The following HTR2C variants were observed in gnomAD, a reference collection of about 807,000 sequenced individuals.
HTR2C encodes 5-hydroxytryptamine receptor 2C.
HTR2C carries 5 observed loss-of-function variants against 21.0 expected under a neutral mutation model. That is an observed-to-expected ratio of 0.24 (90% CI 0.12 to 0.50). HTR2C has a LOEUF of 0.50. Among genes scored for constraint, HTR2C ranks in the 20% least tolerant of loss-of-function variants. HTR2C has a pLI of 0.98. For synonymous variants in HTR2C, 150 were observed against 145.3 expected (o/e 1.03, Z -0.23); for missense variants, 271 against 371.2 (o/e 0.73, Z 2.22).
At chrX:114,697,883 C>T (rs782270469) in intron 2 of HTR2C, among the ~76,000 whole-genome samples, 6 of 112,453 alleles carry the variant, frequency 5.3e-5, no homozygotes, top group Non-Finnish European at 1.1e-4. Flanking sequence ...AGTCCAGGGA[C>T]CTCATCTGGG....
intron 4 of HTR2C, among the ~76,000 whole-genome samples, chrX:114,811,413 T>C (rs1182455846): frequency 9.0e-6 from 1 of 111,195 alleles, no homozygotes; most frequent in African/African-American, 3.3e-5. Flanking sequence ...ATCTACATAC[T>C]CCAATGGCAA....
intron 4 of HTR2C, among the ~76,000 whole-genome samples, chrX:114,795,361 T>G (rs1342957655): frequency 6.3e-5 from 7 of 110,693 alleles, no homozygotes; most frequent in African/African-American, 2.0e-4. Context: ...AGAAGCTCTT[T>G]AGTTTAATTA....
rs782626623 is a variant in HTR2C, at chrX:114,906,845, G to C, written c.807G>C (p.Arg269Ser). 8.3e-7 allele frequency: 1 copy of C among 1,210,979 alleles called. No homozygotes were observed. The highest frequency in any genetic ancestry group is 1.1e-6 in the Non-Finnish European group (1 of 895,357). Reference sequence around the variant, plus strand: ...TGGATTTCCTGAAGTGCTGCAAGAGGAATACGGCCGAGGAAGAGAACTCTG... The same window carrying C: ...TGGATTTCCTGAAGTGCTGCAAGAGCAATACGGCCGAGGAAGAGAACTCTG... ...LSLDFLKCCKRNTAEEENSAN... is the reference protein window; with the variant it reads ...LSLDFLKCCKSNTAEEENSAN... The change falls in exon 6 of 6, where the codon AGG becomes AGC. Residue 269 changes from arginine to serine, a missense_variant. Physicochemically the swap from Arg to Ser is moderately radical, Grantham distance 110. Around this residue, in one of 5 missense-constraint regions of HTR2C, gnomAD observed 192 missense variants for 247.2 expected, o/e 0.78. Coordinates refer to ENST00000276198, the MANE Select transcript of HTR2C (RefSeq NM_000868.4).
chrX:114,824,903 G>A (rs143388819), intron 4 of HTR2C, among the ~76,000 whole-genome samples: 1,365 of 111,908 alleles, frequency 0.012, 20 homozygotes, highest in African/African-American at 0.042. Flanking sequence ...AAAGTTCCAT[G>A]CAAATGTATG....
At chrX:114,702,150 A>G (rs1329179290) in intron 2 of HTR2C, among the ~76,000 whole-genome samples, 1 of 111,710 alleles carries the variant, frequency 9.0e-6, no homozygotes, top group South Asian at 3.8e-4. Context: ...GATATTATCC[A>G]GGAGAACTTC....
intron 4 of HTR2C, among the ~76,000 whole-genome samples, chrX:114,800,202 T>C (rs2070332533): frequency 9.0e-6 from 1 of 111,142 alleles, no homozygotes; most frequent in Non-Finnish European, 1.9e-5. Context: ...AAAAGGTGGG[T>C]AGATGTTAAA....
chrX:114,678,802 G>T (rs1931654130), intron 2 of HTR2C, among the ~76,000 whole-genome samples: 1 of 111,085 alleles, frequency 9.0e-6, no homozygotes, highest in Non-Finnish European at 1.9e-5. Flanking sequence ...CTTTGAAACT[G>T]TTAGCCTTAA....
chrX:114,628,178 A>G (rs1929454429), intron 2 of HTR2C, among the ~76,000 whole-genome samples: 1 of 111,627 alleles, frequency 9.0e-6, no homozygotes, highest in East Asian at 2.8e-4. Flanking sequence ...GTATTTAAAT[A>G]GTATCTATTT....
In HTR2C at chrX:114,731,570, A is replaced by G. The variant is rs1483636771; in HGVS notation, c.312A>G (p.Leu104=). 1.7e-6 allele frequency: 2 copies of G among 1,202,684 alleles called. No individual in the cohort carries two copies. The highest frequency in any genetic ancestry group is 2.2e-6 in the Non-Finnish European group (2 of 889,684). The change falls in exon 4 of 6, where the codon CTA becomes CTG. Residue 104 remains leucine, a synonymous_variant. Transcript: ENST00000276198. ...CCATTGCTGATATGCTAGTGGGACT[A>G]CTTGTCATGCCCCTGTCTCTCCTGG... ...SLAIADMLVG[L]LVMPLSLLAI...
At chrX:114,873,533 C>G (rs1003007207) in intron 5 of HTR2C, among the ~76,000 whole-genome samples, 1 of 111,737 alleles carries the variant, frequency 8.9e-6, no homozygotes, top group Non-Finnish European at 1.9e-5. Context: ...CAGTACAACA[C>G]CTGAATACTG....
At chrX:114,685,624 A>G (rs782127645) in intron 2 of HTR2C, among the ~76,000 whole-genome samples, 1 of 112,159 alleles carries the variant, frequency 8.9e-6, no homozygotes, top group Admixed American at 9.5e-5. Flanking sequence ...TGGATTGCCT[A>G]AGTGTCAGAT....
chrX:114,757,958 A>G (rs782520926), intron 4 of HTR2C, among the ~76,000 whole-genome samples: 98 of 110,707 alleles, frequency 8.9e-4, no homozygotes, highest in Non-Finnish European at 5.1e-4. Context: ...AAAAAACATG[A>G]ACACACATAC....
chrX:114,772,204 G>T (rs374487439), intron 4 of HTR2C, among the ~76,000 whole-genome samples: 6 of 111,946 alleles, frequency 5.4e-5, no homozygotes, highest in Non-Finnish European at 9.4e-5. Flanking sequence ...ATTCACCAAG[G>T]TTGCCATTCT....
chrX:114,716,569 C>G (rs1306879410), intron 2 of HTR2C, among the ~76,000 whole-genome samples: 1 of 111,524 alleles, frequency 9.0e-6, no homozygotes, highest in Non-Finnish European at 1.9e-5. Context: ...CCTAGACTTG[C>G]ATTCAAATTG....
At chrX:114,850,184 G>A (rs782042029) in intron 5 of HTR2C, among the ~76,000 whole-genome samples, 5 of 110,994 alleles carry the variant, frequency 4.5e-5, no homozygotes, top group South Asian at 3.8e-4. Flanking sequence ...CGATGCAGGC[G>A]GATCACTTGT....
At chrX:114,606,481 G>A (rs950901799) in intron 1 of HTR2C, among the ~76,000 whole-genome samples, 13 of 111,538 alleles carry the variant, frequency 1.2e-4, no homozygotes, top group African/African-American at 2.6e-4. Flanking sequence ...GTCCGTGACC[G>A]GCGCCGGAGT....
chrX:114,707,752 A>G (rs1932815247), intron 2 of HTR2C, among the ~76,000 whole-genome samples: 1 of 110,779 alleles, frequency 9.0e-6, no homozygotes, highest in African/African-American at 3.3e-5. Flanking sequence ...TGTTCTTGTA[A>G]ATTCTCAGAG....
intron 4 of HTR2C, among the ~76,000 whole-genome samples, chrX:114,805,545 G>GCA (rs144827202): frequency 0.018 from 367 of 19,846 alleles, 13 homozygotes; most frequent in Non-Finnish European, 0.037. Context: ...GGTATATGGT[G>GCA]TATATATATA....
intron 5 of HTR2C, among the ~76,000 whole-genome samples, chrX:114,872,312 A>G (rs1273528402): frequency 7.8e-5 from 1 of 12,808 alleles, no homozygotes; most frequent in African/African-American, 1.2e-4. Flanking sequence ...ATTCACTCTG[A>G]TTAATTTTTG....
Sources: gnomAD v4.1 joint callset for allele counts (sites outside exome capture counted in the v4.1 genomes callset) on GRCh38, gnomAD v4.1.1 for gene constraint, gnomAD v4.1.1 regional missense constraint, MANE v1.5 for transcripts, NCBI Gene and HGNC (gene_info 2026-07-23, HGNC 2026-07-21) for gene names.